SETD2: variants seen among roughly 807,000 people sequenced by gnomAD.
The protein encoded by SETD2 is histone-lysine N-methyltransferase SETD2.
SETD2 carries 31 observed loss-of-function variants against 242.1 expected under a neutral mutation model. That is an observed-to-expected ratio of 0.13 (90% CI 0.10 to 0.17). The LOEUF is 0.17. SETD2 is among the 10% of genes least tolerant of loss of function. SETD2 has a pLI of 1.00. For synonymous variants in SETD2, 1,006 were observed against 1,066.5 expected, an observed-to-expected ratio of 0.94 and a Z score of 1.11; for missense variants, 2,481 against 3,046.3, an observed-to-expected ratio of 0.81 and a Z score of 4.37.
intron 8 of SETD2, 46 bp downstream of exon 8, chr3:47,101,412 C>G: frequency 2.0e-6 from 2 of 994,888 alleles, no homozygotes; most frequent in Non-Finnish European, 3.1e-6. Flanking sequence ...TCTGAACAGC[C>G]TATTTCCCCA....
At chr3:47,049,998 T>C (rs2039752858) in intron 15 of SETD2, among the ~76,000 whole-genome samples, 1 of 147,470 alleles carries the variant, frequency 6.8e-6, no homozygotes, top group African/African-American at 2.5e-5. Flanking sequence ...TAAATTTATG[T>C]TTCTTATATA....
chr3:47,040,037 C>A (rs1259579546), intron 17 of SETD2, among the ~76,000 whole-genome samples: 1 of 151,766 alleles, frequency 6.6e-6, no homozygotes, highest in African/African-American at 2.4e-5. Context: ...AGTGCAGTAG[C>A]GCGATCTCAG....
intron 16 of SETD2, among the ~76,000 whole-genome samples, chr3:47,044,307 T>C (rs1186771566): frequency 8.6e-6 from 1 of 116,504 alleles, no homozygotes; most frequent in African/African-American, 3.4e-5. Flanking sequence ...ATCAAACCAC[T>C]GTACTCCAGG....
At chr3:47,059,280 C>T (rs1443713929) in intron 14 of SETD2, among the ~76,000 whole-genome samples, 1 of 150,332 alleles carries the variant, frequency 6.7e-6, no homozygotes, top group Non-Finnish European at 1.5e-5. Flanking sequence ...CCATGCCTGG[C>T]TAATTTTTGT....
chr3:47,084,468 AG>A, intron 11 of SETD2, 86 bp from the exon 12 acceptor site: 3 of 900,800 alleles, frequency 3.3e-6, no homozygotes, highest in Non-Finnish European at 5.0e-6. Flanking sequence ...TCTGTCACCC[AG>A]GCTGGAATGC....
chr3:47,062,458 G>C, intron 13 of SETD2, 112 bp from the exon 14 acceptor site: 1 of 967,944 alleles, frequency 1.0e-6, no homozygotes, highest in South Asian at 1.7e-5. Context: ...TCCAACAAAT[G>C]TATCTATGGA....
rs376303182 is a variant in SETD2 at position 47,122,480 on chromosome 3, T to C, written c.2156A>G (p.Asn719Ser). 3 of 1,614,064 alleles carry C rather than the reference T, an allele frequency of 1.9e-6. No individual in the cohort carries two copies. The highest frequency in any genetic ancestry group is 1.3e-5 in the African/African-American group (1 of 74,960). The part of the protein sequence containing the change: ...PLVKACMLSS[N>S]GFQNISRCKE... Reference sequence around the variant, plus strand: ...GCACCTACTAATATTCTGAAATCCATTTGATGAAAGCATGCATGCTTTGAC... The same window carrying C: ...GCACCTACTAATATTCTGAAATCCACTTGATGAAAGCATGCATGCTTTGAC... Residue 719 changes from asparagine to serine, a missense_variant, in exon 3 of 21, where the codon AAT (asparagine) becomes AGT (serine). Asn to Ser is a conservative substitution (Grantham distance 46). Coordinates refer to ENST00000409792, the MANE Select transcript of SETD2 (RefSeq NM_014159.7).
chr3:47,072,127 T>C (rs2040849066), intron 12 of SETD2, among the ~76,000 whole-genome samples: 1 of 151,718 alleles, frequency 6.6e-6, no homozygotes, highest in Non-Finnish European at 1.5e-5. Context: ...GCTAACACGG[T>C]GAAACCCCGT....
At position 47,123,676 on chromosome 3, in the gene SETD2, A is replaced by G. The variant is rs767471789; in HGVS notation, c.960T>C (p.Gly320=). ...GTACAGAATCTTCATCAGATTCTGA[A>G]CCAAGAAAGATGCCTTCAGATTGTG... ...KSSQSEGIFL[G]SESDEDSVRT... is the part of the protein sequence containing the mutation. Residue 320 remains glycine (G), a synonymous_variant, in exon 3 of 21, where the codon GGT becomes GGC. Transcript: ENST00000409792. 1 of 1,551,188 alleles carries G rather than the reference A, an allele frequency of 6.4e-7. No homozygotes were observed. Among genetic ancestry groups the G allele is most frequent in the South Asian group, 1.2e-5 (1 of 83,976 alleles).
At chr3:47,157,625 G>A in intron 1 of SETD2, 1 of 444,308 alleles carries the variant, frequency 2.3e-6, no homozygotes, top group Non-Finnish European at 4.5e-6. Context: ...TGTAATCCCA[G>A]CACTTTGGGA....
At chr3:47,140,720 G>C (rs892735514) in intron 1 of SETD2, among the ~76,000 whole-genome samples, 7 of 152,048 alleles carry the variant, frequency 4.6e-5, no homozygotes, top group African/African-American at 1.7e-4. Context: ...AATTAGCCAG[G>C]CATGGTGGCA....
intron 15 of SETD2, among the ~76,000 whole-genome samples, chr3:47,052,008 T>C (rs1038750061): frequency 6.6e-6 from 1 of 152,350 alleles, no homozygotes; most frequent in Non-Finnish European, 1.5e-5. Context: ...TATCTACTTA[T>C]GTTAAAAGCC....
At chr3:47,020,128 G>A (rs2038154636) in intron 18 of SETD2, among the ~76,000 whole-genome samples, 1 of 152,038 alleles carries the variant, frequency 6.6e-6, no homozygotes. Flanking sequence ...AGTCACTCAT[G>A]TCCCTGTTCT....
chr3:47,050,716 C>CCTCT, intron 15 of SETD2, among the ~76,000 whole-genome samples: 1 of 107,208 alleles, frequency 9.3e-6, no homozygotes, highest in East Asian at 2.7e-4. Flanking sequence ...GTATACATTT[C>CCTCT]CTCTCTCTTT....
At chr3:47,094,329 G>C (rs2041923348) in intron 9 of SETD2, among the ~76,000 whole-genome samples, 1 of 152,178 alleles carries the variant, frequency 6.6e-6, no homozygotes, top group Admixed American at 6.5e-5. Context: ...GTTTGGTTAA[G>C]GAAAGAAGCT....
intron 15 of SETD2, 24 bp from the exon 16 acceptor site, chr3:47,046,645 A>G: frequency 6.3e-7 from 1 of 1,598,910 alleles, no homozygotes; most frequent in East Asian, 2.2e-5. Context: ...TGAAGAAATC[A>G]ATAATTTAAG....
At chr3:47,086,396 G>A in intron 10 of SETD2, 82 bp from the exon 11 acceptor site, 2 of 1,405,140 alleles carry the variant, frequency 1.4e-6, no homozygotes, top group South Asian at 2.4e-5. Context: ...GAGAGTTCAT[G>A]TATACGTTAC....
intron 3 of SETD2, 34 bp downstream of exon 3, chr3:47,120,148 T>TAA: frequency 6.9e-7 from 1 of 1,451,966 alleles, no homozygotes; most frequent in South Asian, 1.4e-5. Context: ...AAAAAAGAGT[T>TAA]AAAATTTGTC....
chr3:47,122,553 A>C lies in SETD2; in HGVS notation c.2083T>G (p.Leu695Val). The change falls in exon 3 of 21, where the codon TTA becomes GTA. Residue 695 changes from leucine (L) to valine (V), a missense_variant. Physicochemically the swap from Leu to Val is conservative, Grantham distance 32. Coordinates refer to ENST00000409792, the MANE Select transcript of SETD2 (RefSeq NM_014159.7). ...TFCTSKTDAV[L>V]MTSDDSVTGS... Reference sequence around the variant, plus strand: ...GTCACACTATCATCAGAAGTCATTAAAACAGCATCAGTTTTAGAAGTGCAA... The same window carrying C: ...GTCACACTATCATCAGAAGTCATTACAACAGCATCAGTTTTAGAAGTGCAA... 3.7e-6 allele frequency: 6 copies of C among 1,614,160 alleles called. No homozygotes were observed. The highest frequency in any genetic ancestry group is 5.1e-6 in the Non-Finnish European group (6 of 1,179,998).
Sources: allele counts gnomAD v4.1 joint callset (sites outside exome capture counted in the v4.1 genomes callset), GRCh38; gene constraint gnomAD v4.1.1; transcripts MANE v1.5; gene names NCBI Gene and HGNC (gene_info 2026-07-23, HGNC 2026-07-21).